The following KPNA7 variants were observed in gnomAD, a reference collection of about 807,000 sequenced individuals.
KPNA7 encodes importin subunit alpha-8.
A neutral mutation model predicts 53.7 loss-of-function variants in KPNA7; 54 were observed. The ratio of observed to expected loss-of-function variants is 1.01; its 90% CI spans 0.81 to 1.26. The LOEUF is 1.26. Among genes scored for constraint, KPNA7 ranks in the 50% most tolerant of loss-of-function variants. The pLI, the probability that KPNA7 is intolerant of heterozygous loss-of-function variation, is 0.00. For missense variants in KPNA7, 640 were observed against 644.5 expected (o/e 0.99, Z 0.07); for synonymous variants, 276 against 259.3 (o/e 1.06, Z -0.62).
At position 99,214,646 on chromosome 7, in the gene KPNA7, GAGGTAGGGAAGGGGAGGGGAGGT is replaced by G. The variant is rs1563094058; in HGVS notation, c.-23-7180_-23-7158del. On this transcript the variant is annotated intron_variant, in intron 1 of 10. Transcript: ENST00000681060. ...CTGTTTCAAAGGAAAGAGGGGAGGG[GAGGTAGGGAAGGGGAGGGGAGGT>G]AGGGGAGGGGAGGGGAGGTAGGGGA... is the stretch of plus-strand genomic sequence containing the variant. Among the ~76,000 whole-genome samples the G allele has an allele frequency of 1.9e-3, 4 of 2,066 alleles. 2 individuals are homozygous for G. The Non-Finnish European group carries it at 0.024, about 12-fold the overall frequency. 1.4% of individuals were successfully genotyped at this position (2,066 alleles called of 152,430 possible).
Position 99,188,363 on chromosome 7 carries a change from C to T in KPNA7, c.837G>A (p.Val279=). The change falls in exon 7 of 11, where the codon GTG becomes GTA. Residue 279 remains valine (V), a synonymous_variant. Coordinates refer to ENST00000327442, the MANE Select transcript of KPNA7 (RefSeq NM_001145715.3). Reference sequence around the variant, plus strand: ...GCCTGGGCAGGACCCCCGTGTTAACCACTTGGCCGATGCGCTTGTTGGAGC... The same window carrying T: ...GCCTGGGCAGGACCCCCGTGTTAACTACTTGGCCGATGCGCTTGTTGGAGC... The part of the protein sequence containing the change: ...TDGSNKRIGQ[V]VNTGVLPRLV... The T allele has an allele frequency of 3.2e-6, 5 of 1,551,524 alleles. No homozygotes were observed. Among genetic ancestry groups the T allele is most frequent in the Non-Finnish European group, 4.4e-6 (5 of 1,146,972 alleles).
chr7:99,184,461 C>A (rs1170214407), intron 8 of KPNA7, among the ~76,000 whole-genome samples: 1 of 152,134 alleles, frequency 6.6e-6, no homozygotes, highest in Non-Finnish European at 1.5e-5. Context: ...CTGCACTCAG[C>A]CTGCTTTGTT....
chr7:99,213,430 TAAAAAA>T (rs61231738), intron 1 of KPNA7, among the ~76,000 whole-genome samples: 17 of 72,910 alleles, frequency 2.3e-4, no homozygotes, highest in African/African-American at 7.5e-4. Context: ...CCTGGCCTTT[TAAAAAA>T]AAAAAAAAAA....
the KPNA7 span, among the ~76,000 whole-genome samples, chr7:99,167,569 C>A: frequency 3.1e-4 from 46 of 148,586 alleles, no homozygotes; most frequent in Non-Finnish European, 5.3e-4. Flanking sequence ...TCTCCTGCCT[C>A]AGCCTAAGTA....
At chr7:99,164,930 C>T in the KPNA7 span, among the ~76,000 whole-genome samples, 1 of 151,560 alleles carries the variant, frequency 6.6e-6, no homozygotes, top group African/African-American at 2.4e-5. Flanking sequence ...AAAACCCCGT[C>T]TGCTAAAAAT....
the KPNA7 span, among the ~76,000 whole-genome samples, chr7:99,157,361 C>G: frequency 6.6e-6 from 1 of 152,092 alleles, no homozygotes; most frequent in Admixed American, 6.6e-5. Context: ...AGGCATGCGC[C>G]ACCACACCCG....
chr7:99,202,095 G>A (rs1790567976), intron 3 of KPNA7, among the ~76,000 whole-genome samples: 1 of 152,068 alleles, frequency 6.6e-6, no homozygotes, highest in South Asian at 2.1e-4. Flanking sequence ...GATATAGTTT[G>A]GACTCCTATG....
intron 1 of KPNA7, among the ~76,000 whole-genome samples, chr7:99,215,369 C>CCA (rs1554473227): frequency 9.6e-5 from 5 of 52,056 alleles, no homozygotes; most frequent in Admixed American, 6.7e-4. Context: ...GAGACTGTCT[C>CCA]AAAAAAAAAA....
chr7:99,214,442 C>CAA (rs765183278), intron 1 of KPNA7, among the ~76,000 whole-genome samples: 2 of 136,400 alleles, frequency 1.5e-5, no homozygotes, highest in South Asian at 2.7e-4. Flanking sequence ...GACCCTATCT[C>CAA]AAAAAAAAAC....
At chr7:99,178,934 C>A (rs1286227288) in intron 9 of KPNA7, among the ~76,000 whole-genome samples, 1 of 151,968 alleles carries the variant, frequency 6.6e-6, no homozygotes, top group Non-Finnish European at 1.5e-5. Flanking sequence ...AGGTACATGC[C>A]ATGCCAGGCT....
the KPNA7 span, among the ~76,000 whole-genome samples, chr7:99,160,896 T>C: frequency 6.6e-6 from 1 of 151,944 alleles, no homozygotes; most frequent in Non-Finnish European, 1.5e-5. Flanking sequence ...AGACAGAGTC[T>C]TTCTCTGTCA....
chr7:99,179,560 T>A (rs1304986148), intron 9 of KPNA7, among the ~76,000 whole-genome samples: 2 of 150,276 alleles, frequency 1.3e-5, no homozygotes, highest in African/African-American at 2.4e-5. Context: ...TGTTTCAAAA[T>A]ATATATATAT....
rs192941937 is a variant in KPNA7 at position 99,176,154 on chromosome 7, C to T, written c.1464+1766G>A. Among the ~76,000 whole-genome samples the T allele has an allele frequency of 1.2e-3, 185 of 151,720 alleles. 2 individuals carry two copies. The highest frequency in any genetic ancestry group is 2.6e-3 in the Admixed American group (39 of 15,210). On this transcript the variant is annotated intron_variant, in intron 10 of 10. Coordinates refer to ENST00000327442, the MANE Select transcript of KPNA7 (RefSeq NM_001145715.3). ...TCTACTAAAAGTACAAAAAATTAGC[C>T]GGACATGGTGGTGGGCGCCTGTAAT...
At position 99,218,821 on chromosome 7, in the gene KPNA7, C is replaced by T. The variant is rs990968287; in HGVS notation, c.-23-11332G>A. Among the ~76,000 whole-genome samples the T allele has an allele frequency of 2.0e-5, 3 of 152,378 alleles. No individual in the cohort carries two copies. The East Asian group carries it at 5.8e-4, about 29-fold the overall frequency. On this transcript the variant is annotated intron_variant, in intron 1 of 10. Transcript: ENST00000681060. ...CCTCCTCAGGGCCCCCAAACAGCTGCCTGGCTCATTACCCGTACAAGAGCA... is the reference window on the plus strand; with the variant it reads ...CCTCCTCAGGGCCCCCAAACAGCTGTCTGGCTCATTACCCGTACAAGAGCA...
At chr7:99,211,155 C>T (rs949807442), upstream of KPNA7, among the ~76,000 whole-genome samples, 1 of 152,200 alleles carries the variant, frequency 6.6e-6, no homozygotes, top group Non-Finnish European at 1.5e-5. Context: ...CACAGTGGCT[C>T]ATGCCTATAA....
chr7:99,152,332 C>T, the KPNA7 span, among the ~76,000 whole-genome samples: 3 of 145,790 alleles, frequency 2.1e-5, no homozygotes, highest in Admixed American at 7.1e-5. Flanking sequence ...ACTGCACTCC[C>T]GACAGAGCGA....
chr7:99,182,012 T>C lies in KPNA7; in HGVS notation c.1188A>G (p.Thr396=), dbSNP rs1364133425. 6 of 1,549,252 alleles carry C rather than the reference T, an allele frequency of 3.9e-6. No homozygotes were observed. The highest frequency in any genetic ancestry group is 3.9e-5 in the Admixed American group (2 of 50,908). Residue 396 remains threonine, a synonymous_variant, in exon 9 of 11, where the codon ACA becomes ACG. Coordinates refer to ENST00000327442, the MANE Select transcript of KPNA7 (RefSeq NM_001145715.3). ...EAVWMVANFA[T]GATMDQLIQL... is the part of the protein sequence containing the mutation. ...GGATCAGCTGATCCATGGTGGCCCC[T>C]GTTGCAAAGTTCGCCACCATCCAGA...
intron 7 of KPNA7, among the ~76,000 whole-genome samples, chr7:99,185,458 TCC>T (rs1483978503): frequency 6.6e-6 from 1 of 152,080 alleles, no homozygotes; most frequent in East Asian, 1.9e-4. Flanking sequence ...GTGATCCTCC[TCC>T]CCCAGCCTCC....
chr7:99,206,654 T>G (rs1037575728), intron 2 of KPNA7, among the ~76,000 whole-genome samples: 1 of 151,642 alleles, frequency 6.6e-6, no homozygotes, highest in Non-Finnish European at 1.5e-5. Context: ...TTTTGTAGAG[T>G]TGGAGGTCTT....
Sources: gnomAD v4.1 joint callset for allele counts (sites outside exome capture counted in the v4.1 genomes callset) on GRCh38, gnomAD v4.1.1 for gene constraint, MANE v1.5 for transcripts, NCBI Gene and HGNC (gene_info 2026-07-23, HGNC 2026-07-21) for gene names.